FRMD4A: variants seen among roughly 807,000 people sequenced by gnomAD.
FRMD4A encodes the protein FERM domain containing 4A.
Under a neutral mutation model 129.1 loss-of-function variants are expected in FRMD4A, and 29 were observed. The ratio of observed to expected loss-of-function variants is 0.22; its 90% CI spans 0.17 to 0.31. The LOEUF is 0.31. FRMD4A is among the 10% of genes least tolerant of loss of function. The probability of loss-of-function intolerance (pLI) is 1.00; values close to 1 mark genes in which losing one functional copy is unlikely to be tolerated. For missense variants in FRMD4A, 1,272 were observed against 1,375.8 expected (o/e 0.92, Z 1.19); for synonymous variants, 634 against 571.6 (o/e 1.11, Z -1.56).
intron 3 of FRMD4A, among the ~76,000 whole-genome samples, chr10:13,846,782 A>T (rs991757234): frequency 6.6e-6 from 1 of 152,216 alleles, no homozygotes; most frequent in African/African-American, 2.4e-5. Context: ...GAGCAATCCA[A>T]TAGTATGGGC....
At chr10:13,822,336 G>A (rs2130910037) in intron 3 of FRMD4A, among the ~76,000 whole-genome samples, 1 of 152,264 alleles carries the variant, frequency 6.6e-6, no homozygotes, top group South Asian at 2.1e-4. Flanking sequence ...AAATTCTGGG[G>A]TTCAGATCTA....
chr10:13,785,289 T>C lies in FRMD4A; in HGVS notation c.300-2283A>G, dbSNP rs954500375. Among the ~76,000 whole-genome samples, 9 of 152,338 alleles carry C rather than the reference T, an allele frequency of 5.9e-5. No individual in the cohort carries two copies. In the East Asian group the frequency reaches 1.7e-3, roughly 29 times the overall value. On this transcript the variant is annotated intron_variant, in intron 5 of 24. Transcript: ENST00000357447. ...ACAGATATCATTAGTACAATTCTTA[T>C]CATCTCAGGTTCTACAAAATTTGGA...
intron 2 of FRMD4A, among the ~76,000 whole-genome samples, chr10:14,180,606 A>G (rs977532025): frequency 1.3e-5 from 2 of 152,230 alleles, no homozygotes; most frequent in Admixed American, 1.3e-4. Context: ...AGTCTTCTGA[A>G]AAACCAATGC....
intron 2 of FRMD4A, among the ~76,000 whole-genome samples, chr10:13,879,146 T>C (rs531826375): frequency 1.8e-4 from 27 of 152,160 alleles, no homozygotes; most frequent in African/African-American, 5.5e-4. Context: ...AAATATGAGA[T>C]TTAGCACTTT....
rs140891812 is a variant in FRMD4A at position 14,185,582 on chromosome 10, G to A, written c.45+144476C>T. On this transcript the variant is annotated intron_variant, in intron 2 of 24. Transcript: ENST00000357447. The stretch of plus-strand genomic sequence containing the variant: ...CTATTTAAAGGTTCAATCTCGTCTT[G>A]TAAGAAAGAGAAACAGGTAGAGAGA... Among the ~76,000 whole-genome samples the A allele has an allele frequency of 2.3e-3, 353 of 151,838 alleles. 2 individuals are homozygous for A. Among genetic ancestry groups the A allele is most frequent in the Non-Finnish European group, 2.7e-3 (185 of 67,940 alleles).
intron 2 of FRMD4A, among the ~76,000 whole-genome samples, chr10:14,212,842 C>A (rs1842969702): frequency 1.3e-5 from 2 of 152,150 alleles, no homozygotes; most frequent in African/African-American, 4.8e-5. Context: ...TTTTCTCTGA[C>A]CTTAATTCTG....
At chr10:13,945,088 A>T (rs576076128) in intron 2 of FRMD4A, among the ~76,000 whole-genome samples, 81 of 152,324 alleles carry the variant, frequency 5.3e-4, no homozygotes, top group African/African-American at 1.9e-3. Context: ...AAATAGACCC[A>T]GGCCTGGTGG....
intron 2 of FRMD4A, among the ~76,000 whole-genome samples, chr10:13,927,317 ATGTAAAAC>A (rs1394948044): frequency 2.7e-4 from 41 of 152,160 alleles, no homozygotes; most frequent in African/African-American, 9.7e-4. Flanking sequence ...CTCCCCTAAC[ATGTAAAAC>A]CATCTATGTA....
At chr10:13,723,552 C>T (rs1441150826) in intron 12 of FRMD4A, among the ~76,000 whole-genome samples, 1 of 152,200 alleles carries the variant, frequency 6.6e-6, no homozygotes, top group Non-Finnish European at 1.5e-5. Flanking sequence ...CCTTACTGAA[C>T]TGGCCACTGA....
intron 2 of FRMD4A, among the ~76,000 whole-genome samples, chr10:13,918,357 C>T (rs944055458): frequency 6.6e-6 from 1 of 152,168 alleles, no homozygotes; most frequent in Non-Finnish European, 1.5e-5. Context: ...ATATTATGAA[C>T]AAGCAGTAAA....
chr10:13,856,187 G>C (rs534532823), intron 3 of FRMD4A, among the ~76,000 whole-genome samples: 1 of 151,156 alleles, frequency 6.6e-6, no homozygotes, highest in Non-Finnish European at 1.5e-5. Context: ...TAGGTAGATA[G>C]TGTGTGTATC....
intron 2 of FRMD4A, among the ~76,000 whole-genome samples, chr10:13,968,023 C>G (rs919845085): frequency 5.3e-5 from 8 of 152,154 alleles, no homozygotes; most frequent in African/African-American, 1.7e-4. Context: ...TCAGCGGGGG[C>G]GCTTAAGACA....
intron 2 of FRMD4A, among the ~76,000 whole-genome samples, chr10:14,185,273 T>C (rs1842050956): frequency 6.6e-6 from 1 of 152,186 alleles, no homozygotes; most frequent in South Asian, 2.1e-4. Context: ...ATAAGACTCT[T>C]GCTTCCTGAG....
chr10:13,995,086 G>A (rs975152524), intron 2 of FRMD4A, among the ~76,000 whole-genome samples: 2 of 152,204 alleles, frequency 1.3e-5, no homozygotes, highest in African/African-American at 4.8e-5. Flanking sequence ...CTTAAGGACA[G>A]AAGTTTTCTT....
intron 2 of FRMD4A, among the ~76,000 whole-genome samples, chr10:14,188,323 T>G (rs1184494576): frequency 6.6e-6 from 1 of 152,200 alleles, no homozygotes; most frequent in East Asian, 1.9e-4. Flanking sequence ...CAGACTTGAA[T>G]GCTTCCCACT....
chr10:13,970,703 G>A (rs901677394), intron 2 of FRMD4A, among the ~76,000 whole-genome samples: 1 of 152,030 alleles, frequency 6.6e-6, no homozygotes, highest in Non-Finnish European at 1.5e-5. Context: ...TGCTGCCTGC[G>A]CCCCCCACTC....
chr10:14,139,203 A>G (rs908347667), intron 2 of FRMD4A, among the ~76,000 whole-genome samples: 14 of 152,218 alleles, frequency 9.2e-5, no homozygotes, highest in Admixed American at 2.6e-4. Context: ...TTGGCAGTCA[A>G]ATGATGGTTA....
At chr10:13,872,974 A>T (rs2094453571) in intron 2 of FRMD4A, among the ~76,000 whole-genome samples, 1 of 152,090 alleles carries the variant, frequency 6.6e-6, no homozygotes, top group South Asian at 2.1e-4. Flanking sequence ...CCAGGAGTTC[A>T]AGACCAGCCC....
At chr10:13,679,472 T>TACACACACACACAC (rs1169130994) in intron 15 of FRMD4A, among the ~76,000 whole-genome samples, 3 of 21,392 alleles carry the variant, frequency 1.4e-4, no homozygotes, top group East Asian at 0.011. Flanking sequence ...TATATATATA[T>TACACACACACACAC]ATACACACAC....
Sources: allele counts gnomAD v4.1 joint callset (sites outside exome capture counted in the v4.1 genomes callset), GRCh38; gene constraint gnomAD v4.1.1; transcripts MANE v1.5; gene names NCBI Gene and HGNC (gene_info 2026-07-23, HGNC 2026-07-21).